The following ADD3 variants were observed in gnomAD, a reference collection of about 807,000 sequenced individuals.
ADD3 encodes gamma-adducin.
ADD3 carries 25 observed loss-of-function variants against 80.2 expected under a neutral mutation model. The observed-to-expected ratio is 0.31, with a 90% CI of 0.23 to 0.44. The LOEUF is 0.44. Among genes scored for constraint, ADD3 ranks in the 20% least tolerant of loss-of-function variants. The pLI, the probability that ADD3 is intolerant of heterozygous loss-of-function variation, is 1.00. For synonymous variants in ADD3, 284 were observed against 289.6 expected (o/e 0.98, Z 0.20); for missense variants, 829 against 847.5 (o/e 0.98, Z 0.27).
At chr10:110,064,561 T>C (rs1280771510) in intron 1 of ADD3, among the ~76,000 whole-genome samples, 1 of 152,200 alleles carries the variant, frequency 6.6e-6, no homozygotes, top group Admixed American at 6.5e-5. Context: ...TTCACGTCTT[T>C]TACTAATAGA....
chr10:110,013,040 A>T (rs7090570), intron 1 of ADD3, among the ~76,000 whole-genome samples: 40,556 of 152,068 alleles, frequency 0.27, 7,909 homozygotes, highest in African/African-American at 0.54. Flanking sequence ...TACGGTACAT[A>T]AACTGGCATT....
At chr10:110,011,011 C>T (rs745388785) in intron 1 of ADD3, among the ~76,000 whole-genome samples, 23 of 152,152 alleles carry the variant, frequency 1.5e-4, no homozygotes, top group Admixed American at 3.9e-4. Context: ...TCTTTTGATA[C>T]ACAACATATG....
At chr10:110,106,439 A>G (rs2133997238) in intron 2 of ADD3, among the ~76,000 whole-genome samples, 1 of 152,104 alleles carries the variant, frequency 6.6e-6, no homozygotes, top group East Asian at 1.9e-4. Flanking sequence ...CCTTGGATAC[A>G]GAGTTTTAAA....
At chr10:110,091,796 G>A (rs767230341) in intron 1 of ADD3, among the ~76,000 whole-genome samples, 3 of 152,112 alleles carry the variant, frequency 2.0e-5, no homozygotes, top group East Asian at 1.9e-4. Context: ...AACTATCAAC[G>A]TAGAAAACAG....
At position 110,100,851 on chromosome 10, in the gene ADD3, G is replaced by A. The variant is rs189792852; in HGVS notation, c.195+3G>A. 3 of 1,585,788 alleles carry A rather than the reference G, an allele frequency of 1.9e-6. No homozygotes were observed. The highest frequency in any genetic ancestry group is 2.7e-5 in the African/African-American group (2 of 73,238). ...TTACTCAGATCCTGCAAAGTCCTGT[G>A]AGTTGAATTAGAAGGCTGTAATTTT... On this transcript the variant is annotated splice_donor_region_variant and intron_variant, in intron 2 of 14. Coordinates refer to ENST00000356080, the MANE Select transcript of ADD3 (RefSeq NM_016824.5).
chr10:110,118,807 A>G (rs1851103038), intron 6 of ADD3, 71 bp downstream of exon 6: 2 of 1,426,348 alleles, frequency 1.4e-6, no homozygotes, highest in East Asian at 4.8e-5. Flanking sequence ...TCTCAACAGG[A>G]TGCTTTACTA....
At chr10:110,017,758 G>A (rs1853169373) in intron 1 of ADD3, among the ~76,000 whole-genome samples, 1 of 152,148 alleles carries the variant, frequency 6.6e-6, no homozygotes, top group South Asian at 2.1e-4. Flanking sequence ...TACTGAATAA[G>A]TACCATACCT....
chr10:109,998,316 C>G (rs1554892921), intron 1 of ADD3, among the ~76,000 whole-genome samples: 3 of 152,176 alleles, frequency 2.0e-5, no homozygotes, highest in Non-Finnish European at 4.4e-5. Context: ...TGAGTCCTCT[C>G]TTTCTCTCCT....
intron 1 of ADD3, among the ~76,000 whole-genome samples, chr10:110,093,278 A>G (rs900122512): frequency 1.5e-4 from 23 of 152,232 alleles, no homozygotes; most frequent in African/African-American, 5.3e-4. Context: ...GTTTATGTAT[A>G]CATGCATTTC....
intron 1 of ADD3, among the ~76,000 whole-genome samples, chr10:110,066,176 T>C (rs1276001540): frequency 6.6e-6 from 1 of 152,164 alleles, no homozygotes; most frequent in Admixed American, 6.5e-5. Context: ...AGGCCTATTG[T>C]TACAGATTAG....
At chr10:110,029,560 A>G (rs1434002050) in intron 1 of ADD3, among the ~76,000 whole-genome samples, 2 of 152,250 alleles carry the variant, frequency 1.3e-5, no homozygotes, top group East Asian at 1.9e-4. Flanking sequence ...GTGGGAAAGC[A>G]TGGAGAGTTC....
chr10:110,038,442 A>G (rs887361457), intron 1 of ADD3, among the ~76,000 whole-genome samples: 1 of 152,220 alleles, frequency 6.6e-6, no homozygotes, highest in African/African-American at 2.4e-5. Flanking sequence ...CGTAAAAACA[A>G]TTTTGTATGC....
chr10:110,053,220 A>G (rs1857733245), intron 1 of ADD3, among the ~76,000 whole-genome samples: 1 of 152,078 alleles, frequency 6.6e-6, no homozygotes, highest in South Asian at 2.1e-4. Context: ...AATAGTAATA[A>G]AAAGAATGCT....
intron 10 of ADD3, among the ~76,000 whole-genome samples, chr10:110,125,127 A>C (rs181256751): frequency 7.1e-4 from 108 of 152,352 alleles, no homozygotes; most frequent in African/African-American, 2.5e-3. Context: ...TCTGTAGTCT[A>C]TAAGATTTCT....
intron 1 of ADD3, among the ~76,000 whole-genome samples, chr10:110,013,918 G>A (rs962716021): frequency 5.9e-5 from 9 of 152,184 alleles, no homozygotes; most frequent in Admixed American, 2.0e-4. Flanking sequence ...ATGGGAACTC[G>A]GTGTATGTCT....
At chr10:110,038,115 C>G (rs1305117054) in intron 1 of ADD3, among the ~76,000 whole-genome samples, 7 of 134,926 alleles carry the variant, frequency 5.2e-5, no homozygotes, top group Non-Finnish European at 1.1e-4. Flanking sequence ...AATACAGCAA[C>G]AAATTGGTAG....
chr10:110,017,112 G>C (rs376243430), intron 1 of ADD3, among the ~76,000 whole-genome samples: 1 of 152,134 alleles, frequency 6.6e-6, no homozygotes, highest in Non-Finnish European at 1.5e-5. Flanking sequence ...GCCCAAGATC[G>C]TACCGTTAAC....
At chr10:110,013,665 C>T (rs2060675) in intron 1 of ADD3, among the ~76,000 whole-genome samples, 98,793 of 152,070 alleles carry the variant, frequency 0.65, 37,108 homozygotes, top group Non-Finnish European at 0.83. Flanking sequence ...GTAATATACA[C>T]GAAATTATTT....
At chr10:110,019,126 T>C (rs1853349355) in intron 1 of ADD3, among the ~76,000 whole-genome samples, 1 of 152,220 alleles carries the variant, frequency 6.6e-6, no homozygotes, top group South Asian at 2.1e-4. Flanking sequence ...TCAATGTCTG[T>C]TATATAACTT....
Sources: gnomAD v4.1 joint callset for allele counts (sites outside exome capture counted in the v4.1 genomes callset) on GRCh38, gnomAD v4.1.1 for gene constraint, MANE v1.5 for transcripts, NCBI Gene and HGNC (gene_info 2026-07-23, HGNC 2026-07-21) for gene names.